The following RIMS2 variants were observed in gnomAD, a reference collection of about 807,000 sequenced individuals.
RIMS2 encodes regulating synaptic membrane exocytosis 2.
RIMS2 carries 59 observed loss-of-function variants against 174.4 expected under a neutral mutation model. The ratio of observed to expected loss-of-function variants is 0.34; its 90% CI spans 0.27 to 0.42. RIMS2 has a LOEUF of 0.42. RIMS2 is among the 10% of genes least tolerant of loss of function. The pLI is 1.00. For synonymous variants in RIMS2, 606 were observed against 572.5 expected, an observed-to-expected ratio of 1.06 and a Z score of -0.84; for missense variants, 1,620 against 1,666.3, an observed-to-expected ratio of 0.97 and a Z score of 0.48.
chr8:103,637,399 A>G (rs1034719848), intron 1 of RIMS2, among the ~76,000 whole-genome samples: 1 of 152,208 alleles, frequency 6.6e-6, no homozygotes, highest in Admixed American at 6.5e-5. Context: ...TTATCAGAGT[A>G]ATAATGCTGG....
chr8:103,885,434 C>G (rs772415017), exon 4 of RIMS2: 1 of 1,612,044 alleles, frequency 6.2e-7, no homozygotes, highest in East Asian at 2.2e-5. Flanking sequence ...TAGGCGATCT[C>G]AACATGAACC....
intron 19 of RIMS2, among the ~76,000 whole-genome samples, chr8:104,049,828 A>G (rs2096756516): frequency 6.6e-6 from 1 of 152,268 alleles, no homozygotes; most frequent in African/African-American, 2.4e-5. Flanking sequence ...GTTTAAAATT[A>G]GATAAATTTT....
chr8:103,774,681 A>G (rs938846485), intron 3 of RIMS2, among the ~76,000 whole-genome samples: 1 of 152,216 alleles, frequency 6.6e-6, no homozygotes, highest in Non-Finnish European at 1.5e-5. Flanking sequence ...ACAAAAGAGT[A>G]CATATGATAT....
At chr8:103,789,445 ATTAGT>A (rs888852156) in intron 3 of RIMS2, among the ~76,000 whole-genome samples, 1 of 152,124 alleles carries the variant, frequency 6.6e-6, no homozygotes. Flanking sequence ...TTCCCTTTTG[ATTAGT>A]TTAAAGTCAA....
At chr8:103,841,395 T>C (rs1352262316) in intron 3 of RIMS2, among the ~76,000 whole-genome samples, 2 of 152,154 alleles carry the variant, frequency 1.3e-5, no homozygotes, top group Non-Finnish European at 2.9e-5. Flanking sequence ...TTTAAAAATC[T>C]TTTTTATTAA....
At chr8:103,773,287 A>G (rs538689758) in intron 3 of RIMS2, among the ~76,000 whole-genome samples, 1 of 152,364 alleles carries the variant, frequency 6.6e-6, no homozygotes, top group African/African-American at 2.4e-5. Context: ...CATATTGCTT[A>G]AAAAGATATA....
intron 19 of RIMS2, among the ~76,000 whole-genome samples, chr8:104,220,676 C>T (rs766440093): frequency 3.6e-4 from 55 of 152,146 alleles, no homozygotes; most frequent in Non-Finnish European, 6.5e-4. Context: ...CTGCTCACTA[C>T]AGCCTCAACC....
At chr8:103,960,968 TTCAC>T in intron 14 of RIMS2, 93 bp from the exon 17 acceptor site, 1 of 742,660 alleles carries the variant, frequency 1.3e-6, no homozygotes, top group Non-Finnish European at 2.4e-6. Context: ...TATTAACTGA[TTCAC>T]TCAGAATATT....
intron 1 of RIMS2, among the ~76,000 whole-genome samples, chr8:103,538,508 A>C (rs1210162828): frequency 1.5e-5 from 2 of 136,816 alleles, no homozygotes; most frequent in African/African-American, 2.7e-5. Context: ...CAAGTCCCCA[A>C]AGTCCATTGT....
intron 19 of RIMS2, among the ~76,000 whole-genome samples, chr8:104,204,802 A>G (rs2099072091): frequency 6.6e-6 from 1 of 151,908 alleles, no homozygotes; most frequent in Admixed American, 6.6e-5. Context: ...CCAGATTACA[A>G]CCCCTCTATA....
At chr8:103,676,663 G>C (rs1276757129) in intron 1 of RIMS2, among the ~76,000 whole-genome samples, 1 of 151,762 alleles carries the variant, frequency 6.6e-6, no homozygotes, top group Non-Finnish European at 1.5e-5. Flanking sequence ...ATCTGGGTGA[G>C]CTTAATTCAG....
At chr8:103,658,450 A>T (rs1407961511) in intron 1 of RIMS2, among the ~76,000 whole-genome samples, 1 of 152,226 alleles carries the variant, frequency 6.6e-6, no homozygotes, top group East Asian at 1.9e-4. Flanking sequence ...GGAGGAGCAG[A>T]GATACCAGAA....
At chr8:103,570,205 G>C (rs979433370) in intron 1 of RIMS2, among the ~76,000 whole-genome samples, 5 of 150,846 alleles carry the variant, frequency 3.3e-5, no homozygotes, top group African/African-American at 1.2e-4. Flanking sequence ...TTTTGTTGTT[G>C]TAGGTTTGTT....
intron 14 of RIMS2, among the ~76,000 whole-genome samples, chr8:103,956,850 C>T (rs905938428): frequency 4.6e-5 from 7 of 152,060 alleles, no homozygotes; most frequent in Admixed American, 2.6e-4. Context: ...GCAATCTGTC[C>T]ATTTGTCAAA....
At chr8:103,786,833 T>C (rs2098448303) in intron 3 of RIMS2, among the ~76,000 whole-genome samples, 1 of 152,188 alleles carries the variant, frequency 6.6e-6, no homozygotes. Context: ...CCTTTTTGAC[T>C]TTCTGTTTCG....
chr8:103,918,545 A>T, intron 9 of RIMS2, 58 bp downstream of exon 12: 15 of 1,145,704 alleles, frequency 1.3e-5, no homozygotes, highest in East Asian at 2.3e-5. Flanking sequence ...ATCAGAGATC[A>T]GATGAAGTAT....
chr8:103,697,948 G>A (rs2097126169), intron 2 of RIMS2, among the ~76,000 whole-genome samples: 1 of 151,488 alleles, frequency 6.6e-6, no homozygotes, highest in African/African-American at 2.4e-5. Context: ...CTGCAGTTCA[G>A]CCTGGGCAAC....
chr8:103,833,862 T>C (rs934366769), intron 3 of RIMS2, among the ~76,000 whole-genome samples: 3 of 152,202 alleles, frequency 2.0e-5, no homozygotes, highest in African/African-American at 7.2e-5. Context: ...TGATTGCTTT[T>C]TCTCTTGAGT....
intron 19 of RIMS2, among the ~76,000 whole-genome samples, chr8:104,068,173 A>T (rs1330171342): frequency 6.6e-6 from 1 of 152,222 alleles, no homozygotes; most frequent in Non-Finnish European, 1.5e-5. Context: ...CAGAGTTCAC[A>T]TGATATTATT....
Sources: gnomAD v4.1 joint callset for allele counts (sites outside exome capture counted in the v4.1 genomes callset) on GRCh38, gnomAD v4.1.1 for gene constraint, MANE v1.5 for transcripts, NCBI Gene and HGNC (gene_info 2026-07-23, HGNC 2026-07-21) for gene names.